Variants in APTX observed in about 807,000 individuals in gnomAD.
APTX encodes the protein aprataxin, also known as forkhead-associated domain histidine triad-like protein.
APTX carries 33 observed loss-of-function variants against 42.3 expected under a neutral mutation model. The ratio of observed to expected loss-of-function variants is 0.78; its 90% CI spans 0.59 to 1.04. The LOEUF is 1.04. Among genes scored for constraint, APTX ranks in the 50% least tolerant of loss-of-function variants. The pLI is 0.00. For synonymous variants in APTX, 130 were observed against 146.7 expected (o/e 0.89, Z 0.82); for missense variants, 421 against 415.1 (o/e 1.01, Z -0.12).
At chr9:33,005,603 A>AT (rs74178839), upstream of APTX, among the ~76,000 whole-genome samples, 3,391 of 148,564 alleles carry the variant, frequency 0.023, 97 homozygotes, top group African/African-American at 0.079. Context: ...AGCCTGGCTA[A>AT]TTTTTTTTTT....
Position 33,021,405 on chromosome 9 carries a change from G to C in APTX, c.-5+3618C>G, listed in dbSNP as rs191712405. Reference sequence around the variant, plus strand: ...TCACAATGGGATTTGGGGGGAATCTGCCAGAAATATTCCTAAGTTCCTCTG... The same window carrying C: ...TCACAATGGGATTTGGGGGGAATCTCCCAGAAATATTCCTAAGTTCCTCTG... On this transcript the variant is annotated intron_variant, in intron 1 of 6. Coordinates refer to the APTX transcript ENST00000436040. Among the ~76,000 whole-genome samples, 22 of 152,228 alleles carry C rather than the reference G, an allele frequency of 1.4e-4. 1 individual carries two copies. The East Asian group carries it at 4.2e-3, about 29-fold the overall frequency.
chr9:32,985,867 A>T, intron 5 of APTX, 104 bp downstream of exon 5: 1 of 1,097,600 alleles, frequency 9.1e-7, no homozygotes, highest in Non-Finnish European at 1.4e-6. Flanking sequence ...AATGAATCTC[A>T]TTCAGAAAGA....
At chr9:32,983,678 C>A (rs1171637950) in intron 6 of APTX, among the ~76,000 whole-genome samples, 2 of 152,046 alleles carry the variant, frequency 1.3e-5, no homozygotes, top group African/African-American at 4.8e-5. Flanking sequence ...TCACATGCTA[C>A]AACATGGATA....
Position 32,973,501 on chromosome 9 carries a change from CTG to C in APTX, c.1024_1025del (p.Gln342ValfsTer27). 6.2e-7 allele frequency: 1 copy of C among 1,614,114 alleles called. No individual in the cohort carries two copies. Among genetic ancestry groups the C allele is most frequent in the Non-Finnish European group, 8.5e-7 (1 of 1,180,024 alleles). On this transcript the variant is annotated frameshift_variant, in exon 8 of 8. Coordinates refer to ENST00000379817, the MANE Select transcript of APTX (RefSeq NM_001195248.2). LOFTEE classifies it high-confidence loss of function. The part of the protein sequence containing the change: ...LKEHLRKHWT[Q>X] Reference sequence around the variant, plus strand: ...CAGCAGCTCAGGCTCTGCAGAATCACTGTGTCCAGTGCTTCCTGAGATGTTCT... The same window carrying C: ...CAGCAGCTCAGGCTCTGCAGAATCACTGTCCAGTGCTTCCTGAGATGTTCT...
At chr9:32,986,142 A>T (rs190336212) in intron 4 of APTX, 112 bp from the exon 5 acceptor site, 2 of 989,494 alleles carry the variant, frequency 2.0e-6, no homozygotes, top group Non-Finnish European at 3.2e-6. Flanking sequence ...GCACAACTAA[A>T]CTTGGAAATA....
intron 1 of APTX, among the ~76,000 whole-genome samples, chr9:33,009,554 A>G (rs1278353291): frequency 6.6e-6 from 1 of 152,138 alleles, no homozygotes; most frequent in Non-Finnish European, 1.5e-5. Flanking sequence ...CGAGGCAGGA[A>G]GACTGCTTGA....
chr9:33,003,901 A>C (rs1450222186), upstream of APTX, among the ~76,000 whole-genome samples: 1 of 152,102 alleles, frequency 6.6e-6, no homozygotes, highest in Non-Finnish European at 1.5e-5. Context: ...CCATTCATCC[A>C]CCCGTGGATA....
At chr9:32,992,679 C>G (rs1833909759) in intron 1 of APTX, among the ~76,000 whole-genome samples, 1 of 152,206 alleles carries the variant, frequency 6.6e-6, no homozygotes, top group Admixed American at 6.5e-5. Context: ...AGGTTTTGAG[C>G]TTCACAGTAA....
At chr9:33,000,122 A>G (rs2119100155) in intron 1 of APTX, among the ~76,000 whole-genome samples, 1 of 152,304 alleles carries the variant, frequency 6.6e-6, no homozygotes, top group African/African-American at 2.4e-5. Context: ...GTGTGACTTG[A>G]GGCAAGTTAT....
At chr9:33,005,188 C>A (rs1227074176), upstream of APTX, among the ~76,000 whole-genome samples, 1 of 152,002 alleles carries the variant, frequency 6.6e-6, no homozygotes, top group Non-Finnish European at 1.5e-5. Context: ...ATAAGATTCC[C>A]ATTTCATAGG....
chr9:33,015,073 G>A (rs570236335), intron 1 of APTX, among the ~76,000 whole-genome samples: 1 of 152,100 alleles, frequency 6.6e-6, no homozygotes. Context: ...TTTGTCTCTG[G>A]TTCCATTTTG....
At chr9:33,005,918 T>TA (rs1411232711), upstream of APTX, among the ~76,000 whole-genome samples, 2 of 152,262 alleles carry the variant, frequency 1.3e-5, no homozygotes, top group African/African-American at 2.4e-5. Context: ...ATTTCTATTG[T>TA]ATTCCATCAG....
rs889826765 is a variant in APTX at position 33,007,235 on chromosome 9, A to C, written c.-4-17340T>G. On this transcript the variant is annotated intron_variant, in intron 1 of 6. Transcript: ENST00000436040. ...AGAAGTCCAGTGGAGGTGAAAATCC[A>C]ATGGAGTTAGTGAAAGGAAGATAAG... Among the ~76,000 whole-genome samples the C allele has an allele frequency of 2.6e-5, 4 of 152,178 alleles. No individual in the cohort carries two copies. In the East Asian group the frequency reaches 7.7e-4, roughly 29 times the overall value.
At chr9:32,990,073 A>G (rs557709188) in intron 1 of APTX, 178 bp from the exon 2 acceptor site, 2 of 713,060 alleles carry the variant, frequency 2.8e-6, no homozygotes, top group South Asian at 3.4e-5. Context: ...GGGACTCAGG[A>G]GGCTGTTGTG....
At chr9:32,981,718 T>C (rs1048297790) in intron 6 of APTX, among the ~76,000 whole-genome samples, 3 of 152,172 alleles carry the variant, frequency 2.0e-5, no homozygotes, top group African/African-American at 7.2e-5. Flanking sequence ...AAAATAATTA[T>C]AGTATTGAAT....
chr9:32,986,048 A>AC lies in APTX; in HGVS notation c.484-19_484-18insG, dbSNP rs774570346. On this transcript the variant is annotated intron_variant, in intron 4 of 7. Transcript: ENST00000379817. ...AGGGATTCCTAAAAAAAAAACAAAA[A>AC]AAAAAACAAAAAAAAAAAAAAACAA... The AC allele has an allele frequency of 4.3e-4, 288 of 664,858 alleles. 5 individuals carry two copies. Among genetic ancestry groups the AC allele is most frequent in the East Asian group, 1.1e-3 (35 of 31,802 alleles). The allele number at this position is 664,858 out of a possible 1,614,324, so 41.2% of individuals were successfully genotyped here.
intron 2 of APTX, among the ~76,000 whole-genome samples, chr9:32,988,422 G>C (rs950812117): frequency 5.9e-5 from 9 of 152,092 alleles, no homozygotes; most frequent in African/African-American, 1.9e-4. Context: ...CCCTATTCCA[G>C]AACCCCTGGC....
At chr9:32,989,717 C>T (rs1448542285) in intron 2 of APTX, 42 bp downstream of exon 2, 2 of 1,613,140 alleles carry the variant, frequency 1.2e-6, no homozygotes, top group Admixed American at 3.3e-5. Context: ...TATCACTATC[C>T]CACATAACCA....
rs1304191439 is a variant in APTX, at chr9:32,973,276, A to G, written c.*222T>C. 2 of 646,872 alleles carry G rather than the reference A, an allele frequency of 3.1e-6. No individual in the cohort carries two copies. Among genetic ancestry groups the G allele is most frequent in the Non-Finnish European group, 2.8e-6 (1 of 354,384 alleles). 40.1% of individuals were successfully genotyped at this position (646,872 alleles called of 1,614,324 possible). On this transcript the variant is annotated 3_prime_UTR_variant, in exon 8 of 8. Coordinates refer to ENST00000379817, the MANE Select transcript of APTX (RefSeq NM_001195248.2). ...GAAGATGGTGGGTCAGGTATATCCC[A>G]GCCACCCTCACCAGAGAATACATCT...
Sources: allele counts gnomAD v4.1 joint callset (sites outside exome capture counted in the v4.1 genomes callset), GRCh38; gene constraint gnomAD v4.1.1; transcripts MANE v1.5; gene names NCBI Gene and HGNC (gene_info 2026-07-23, HGNC 2026-07-21).